TNNI3K: variants seen among roughly 807,000 people sequenced by gnomAD.
TNNI3K encodes the protein serine/threonine-protein kinase TNNI3K.
In TNNI3K, 140 loss-of-function variants were observed where a neutral mutation model predicts 114.5. That is an observed-to-expected ratio of 1.22 (90% CI 1.07 to 1.41). The LOEUF (loss-of-function observed/expected upper bound fraction) is 1.41, where lower values mean the gene tolerates loss of function less well. Among genes scored for constraint, TNNI3K ranks in the 40% most tolerant of loss-of-function variants. The pLI is 0.00. For synonymous variants in TNNI3K, 347 were observed against 347.5 expected, an observed-to-expected ratio of 1.00 and a Z score of 0.02; for missense variants, 1,125 against 1,007.6, an observed-to-expected ratio of 1.12 and a Z score of -1.58.
chr1:74,519,091 T>C (rs1360639484), intron 23 of TNNI3K, among the ~76,000 whole-genome samples: 1 of 94,408 alleles, frequency 1.1e-5, no homozygotes, highest in Non-Finnish European at 1.9e-5. Flanking sequence ...GTCCATGTGA[T>C]CTCATTGTTC....
At chr1:74,280,878 C>T (rs1656971768) in intron 5 of TNNI3K, among the ~76,000 whole-genome samples, 1 of 152,200 alleles carries the variant, frequency 6.6e-6, no homozygotes, top group African/African-American at 2.4e-5. Flanking sequence ...CACCCATCTC[C>T]CAACTCTGTG....
At chr1:74,529,794 C>T (rs1256991139) in intron 23 of TNNI3K, among the ~76,000 whole-genome samples, 3 of 152,136 alleles carry the variant, frequency 2.0e-5, no homozygotes, top group African/African-American at 7.2e-5. Context: ...TTCATATATT[C>T]ACTTCAGCCA....
At chr1:74,268,604 C>T (rs185611761) in intron 4 of TNNI3K, among the ~76,000 whole-genome samples, 20 of 151,736 alleles carry the variant, frequency 1.3e-4, no homozygotes, top group African/African-American at 4.3e-4. Context: ...TTGGAAGGTA[C>T]TATAGGTATT....
Position 74,543,064 on chromosome 1 carries a change from C to CTTTTTTTTTTT in TNNI3K, c.2432-823_2432-813dup, listed in dbSNP as rs60688934. On this transcript the variant is annotated intron_variant, in intron 24 of 24. Coordinates refer to ENST00000326637, the MANE Select transcript of TNNI3K (RefSeq NM_015978.3). ...CTTTTCCTTTTCTTTTTCTTTTTCC[C>CTTTTTTTTTTT]TTTTTTTTTTTTTTTTTTTTTTTTT... 1.5e-3 allele frequency among the ~76,000 whole-genome samples: 10 copies of CTTTTTTTTTTT among 6,742 alleles called. 4 individuals carry two copies. Among genetic ancestry groups the CTTTTTTTTTTT allele is most frequent in the Admixed American group, 4.6e-3 (2 of 438 alleles). The allele number at this position is 6,742 out of a possible 152,430, so 4.4% of individuals were successfully genotyped here.
chr1:74,235,393 G>T lies in TNNI3K; in HGVS notation c.-59G>T. On this transcript the variant is annotated 5_prime_UTR_variant, in exon 1 of 25. Transcript: ENST00000326637. ...TTTCAACTGGACTGTCACTGCACTTGAACTTGGAATCTTATAACTTGAAGA... is the reference window on the plus strand; with the variant it reads ...TTTCAACTGGACTGTCACTGCACTTTAACTTGGAATCTTATAACTTGAAGA... 1 of 1,228,514 alleles carries T rather than the reference G, an allele frequency of 8.1e-7. No homozygotes were observed. Among genetic ancestry groups the T allele is most frequent in the South Asian group, 1.3e-5 (1 of 74,886 alleles). 76.1% of individuals were successfully genotyped at this position (1,228,514 alleles called of 1,614,324 possible).
intron 23 of TNNI3K, among the ~76,000 whole-genome samples, chr1:74,529,188 A>C (rs940296668): frequency 6.6e-6 from 1 of 152,200 alleles, no homozygotes; most frequent in African/African-American, 2.4e-5. Context: ...AAAGAGAAAA[A>C]GAGTAATTTT....
rs1670128284 is a variant in TNNI3K, at chr1:74,510,439, T to TCTCC, written c.2351+18173_2351+18174insCTCC. 3.3e-5 allele frequency among the ~76,000 whole-genome samples: 5 copies of TCTCC among 151,462 alleles called. No homozygotes were observed. The South Asian group carries it at 1.0e-3, about 32-fold the overall frequency. On this transcript the variant is annotated intron_variant, in intron 23 of 24. Coordinates refer to ENST00000326637, the MANE Select transcript of TNNI3K (RefSeq NM_015978.3). ...AGGAGAATGGCTTGAACCCGGGAGG[T>TCTCC]GGAGCTTGCAGAGAGCCGACATCGC...
At chr1:74,239,356 T>G (rs1482861410) in intron 2 of TNNI3K, among the ~76,000 whole-genome samples, 2 of 152,072 alleles carry the variant, frequency 1.3e-5, no homozygotes, top group African/African-American at 4.8e-5. Flanking sequence ...TCACAAAATT[T>G]TAAAGGTAGT....
intron 17 of TNNI3K, among the ~76,000 whole-genome samples, chr1:74,385,467 T>C (rs1466753442): frequency 6.6e-6 from 1 of 152,138 alleles, no homozygotes; most frequent in Non-Finnish European, 1.5e-5. Flanking sequence ...TGTAAAGTAA[T>C]GTGAATTGGC....
chr1:74,282,725 C>G (rs1338633339), intron 5 of TNNI3K, among the ~76,000 whole-genome samples: 1 of 152,110 alleles, frequency 6.6e-6, no homozygotes, highest in African/African-American at 2.4e-5. Context: ...TTCTCTGTCT[C>G]TTTCTGTCTC....
intron 5 of TNNI3K, among the ~76,000 whole-genome samples, chr1:74,326,681 G>T (rs1474764673): frequency 6.6e-6 from 1 of 152,088 alleles, no homozygotes; most frequent in Non-Finnish European, 1.5e-5. Flanking sequence ...AGTTTTATAG[G>T]CATTCAGAAA....
At chr1:74,363,782 A>G (rs1031098156) in intron 11 of TNNI3K, among the ~76,000 whole-genome samples, 8 of 151,888 alleles carry the variant, frequency 5.3e-5, no homozygotes, top group Admixed American at 3.3e-4. Context: ...AACAGAAATA[A>G]GAAAAAGTTT....
chr1:74,327,791 A>G (rs1659991777), intron 5 of TNNI3K, among the ~76,000 whole-genome samples: 1 of 149,480 alleles, frequency 6.7e-6, no homozygotes, highest in South Asian at 2.1e-4. Context: ...GTATGATACA[A>G]TTTATATCCT....
At chr1:74,489,285 A>G in intron 22 of TNNI3K, 37 bp downstream of exon 22, 1 of 1,594,226 alleles carries the variant, frequency 6.3e-7, no homozygotes, top group Non-Finnish European at 8.5e-7. Context: ...TCCATAAAAA[A>G]GCCCTGCATA....
intron 17 of TNNI3K, chr1:74,371,277 A>G (rs74346812): frequency 4.6e-5 from 7 of 152,022 alleles, no homozygotes; most frequent in African/African-American, 1.4e-4. Flanking sequence ...CTATGTTTGA[A>G]CATATATGTT....
intron 5 of TNNI3K, among the ~76,000 whole-genome samples, chr1:74,299,862 C>T (rs1024941707): frequency 6.6e-6 from 1 of 151,998 alleles, no homozygotes. Context: ...GAGCAATAAG[C>T]CAATATTTGC....
chr1:74,366,472 A>G (rs1220463086), intron 11 of TNNI3K: 1 of 152,000 alleles, frequency 6.6e-6, no homozygotes, highest in East Asian at 1.9e-4. Flanking sequence ...TATTTCTCAT[A>G]TAGCACTTCA....
intron 23 of TNNI3K, 141 bp downstream of exon 23, chr1:74,492,407 T>C: frequency 8.7e-7 from 1 of 1,154,806 alleles, no homozygotes; most frequent in Non-Finnish European, 1.1e-6. Flanking sequence ...CCCATTTTTC[T>C]TACGTTATGA....
At chr1:74,337,420 T>C (rs950336102) in intron 7 of TNNI3K, among the ~76,000 whole-genome samples, 11 of 152,034 alleles carry the variant, frequency 7.2e-5, no homozygotes, top group Admixed American at 7.2e-4. Flanking sequence ...CATGAAGTCC[T>C]TGCCCATGCC....
Sources: gnomAD v4.1 joint callset for allele counts (sites outside exome capture counted in the v4.1 genomes callset) on GRCh38, gnomAD v4.1.1 for gene constraint, MANE v1.5 for transcripts, NCBI Gene and HGNC (gene_info 2026-07-23, HGNC 2026-07-21) for gene names.